GRM8: variants seen among roughly 807,000 people sequenced by gnomAD.
The protein encoded by GRM8 is glutamate metabotropic receptor 8.
In GRM8, 47 loss-of-function variants were observed where a neutral mutation model predicts 87.2. The observed-to-expected ratio is 0.54, with a 90% CI of 0.43 to 0.69. GRM8 has a LOEUF of 0.69. GRM8 is among the 30% of genes least tolerant of loss of function. The pLI, the probability that GRM8 is intolerant of heterozygous loss-of-function variation, is 0.00. For missense variants in GRM8, 1,019 were observed against 1,139.2 expected (o/e 0.89, Z 1.52); for synonymous variants, 396 against 404.5 (o/e 0.98, Z 0.25).
At chr7:126,827,471 A>T (rs1794930468) in intron 6 of GRM8, among the ~76,000 whole-genome samples, 1 of 152,048 alleles carries the variant, frequency 6.6e-6, no homozygotes, top group African/African-American at 2.4e-5. Context: ...ATTCTCTTTG[A>T]AGCAATTGTG....
rs567918677 is a variant in GRM8 at position 127,160,496 on chromosome 7, G to A, written c.511-53784C>T. On this transcript the variant is annotated intron_variant, in intron 2 of 10. Transcript: ENST00000339582. The stretch of plus-strand genomic sequence containing the variant: ...AGAAGATTCCAGAGCAGAGCAGGGC[G>A]GCCTGTGTAAGGGTGTAAGGAGGCT... Among the ~76,000 whole-genome samples, 8 of 151,900 alleles carry A rather than the reference G, an allele frequency of 5.3e-5. No homozygotes were observed. The South Asian group carries it at 6.3e-4, about 12-fold the overall frequency.
At chr7:126,485,111 C>A (rs771593276) in intron 9 of GRM8, among the ~76,000 whole-genome samples, 21 of 151,940 alleles carry the variant, frequency 1.4e-4, no homozygotes, top group Non-Finnish European at 2.4e-4. Flanking sequence ...ATTATGCAAG[C>A]ATTATTGAGC....
intron 7 of GRM8, among the ~76,000 whole-genome samples, chr7:126,751,509 A>C (rs1816412369): frequency 6.6e-6 from 1 of 152,056 alleles, no homozygotes; most frequent in South Asian, 2.1e-4. Flanking sequence ...GACTTGCATT[A>C]ATTGGAGCTG....
At chr7:127,137,112 T>C (rs1043562988) in intron 2 of GRM8, among the ~76,000 whole-genome samples, 6 of 152,120 alleles carry the variant, frequency 3.9e-5, no homozygotes, top group African/African-American at 1.4e-4. Flanking sequence ...TGATCTTGGA[T>C]GACTTAATCT....
At chr7:126,817,108 T>C (rs1484983183) in intron 6 of GRM8, among the ~76,000 whole-genome samples, 1 of 152,140 alleles carries the variant, frequency 6.6e-6, no homozygotes, top group African/African-American at 2.4e-5. Context: ...TACACTTCAA[T>C]TGTTTCCACA....
At chr7:127,094,129 A>G (rs1824419605) in intron 3 of GRM8, among the ~76,000 whole-genome samples, 1 of 152,238 alleles carries the variant, frequency 6.6e-6, no homozygotes, top group Non-Finnish European at 1.5e-5. Flanking sequence ...TCATTTCTGC[A>G]GAAGGGTGTT....
chr7:126,452,630 T>C (rs1025490341), intron 9 of GRM8, among the ~76,000 whole-genome samples: 35 of 151,696 alleles, frequency 2.3e-4, no homozygotes, highest in East Asian at 1.8e-3. Flanking sequence ...TTCTTTTTCA[T>C]AGCAATCTCT....
At chr7:127,209,861 A>C (rs1796116666) in intron 2 of GRM8, among the ~76,000 whole-genome samples, 1 of 152,174 alleles carries the variant, frequency 6.6e-6, no homozygotes, top group African/African-American at 2.4e-5. Context: ...CTATAAAACA[A>C]AGCAACAAAT....
At chr7:126,532,595 G>A (rs1814982773) in intron 9 of GRM8, among the ~76,000 whole-genome samples, 1 of 151,658 alleles carries the variant, frequency 6.6e-6, no homozygotes, top group African/African-American at 2.4e-5. Context: ...TTAACATTTG[G>A]AAAAGAACAG....
At chr7:126,712,341 T>C (rs1191428000) in intron 7 of GRM8, among the ~76,000 whole-genome samples, 1 of 152,094 alleles carries the variant, frequency 6.6e-6, no homozygotes, top group Non-Finnish European at 1.5e-5. Flanking sequence ...TCCAAAACAA[T>C]TATAATAATA....
intron 7 of GRM8, among the ~76,000 whole-genome samples, chr7:126,672,086 C>T (rs1353947581): frequency 1.3e-5 from 2 of 152,196 alleles, no homozygotes; most frequent in African/African-American, 4.8e-5. Flanking sequence ...ATTAAACCAA[C>T]CCCAAGCTTT....
chr7:126,957,702 G>T (rs1808869018), intron 3 of GRM8, among the ~76,000 whole-genome samples: 2 of 152,238 alleles, frequency 1.3e-5, no homozygotes, highest in African/African-American at 4.8e-5. Flanking sequence ...AAGCATAGGA[G>T]GGAGGCTGGG....
intron 6 of GRM8, among the ~76,000 whole-genome samples, chr7:126,849,151 G>T (rs916310578): frequency 6.6e-6 from 1 of 151,816 alleles, no homozygotes; most frequent in Admixed American, 6.6e-5. Flanking sequence ...GATTTGGATG[G>T]GGACACAGCC....
At chr7:127,014,630 A>C (rs1563412299) in intron 3 of GRM8, among the ~76,000 whole-genome samples, 1 of 152,142 alleles carries the variant, frequency 6.6e-6, no homozygotes, top group South Asian at 2.1e-4. Flanking sequence ...TGCCTAGCAC[A>C]TAGTAAGAAC....
chr7:127,151,904 C>T (rs1201873066), intron 2 of GRM8, among the ~76,000 whole-genome samples: 2 of 152,074 alleles, frequency 1.3e-5, no homozygotes, highest in Non-Finnish European at 2.9e-5. Flanking sequence ...TTCTCTTTTG[C>T]ATTCCAAAGC....
intron 8 of GRM8, among the ~76,000 whole-genome samples, chr7:126,590,800 A>G (rs1202478092): frequency 6.6e-6 from 1 of 152,148 alleles, no homozygotes; most frequent in Non-Finnish European, 1.5e-5. Flanking sequence ...GAAAGATACA[A>G]TATTTTTCAA....
At chr7:126,806,606 A>AT (rs926172717) in intron 6 of GRM8, among the ~76,000 whole-genome samples, 5 of 152,234 alleles carry the variant, frequency 3.3e-5, no homozygotes, top group African/African-American at 1.2e-4. Flanking sequence ...CAGAGTGCTG[A>AT]TTGGTACGTT....
intron 3 of GRM8, among the ~76,000 whole-genome samples, chr7:126,908,766 C>T (rs908148917): frequency 1.3e-5 from 2 of 152,152 alleles, no homozygotes; most frequent in Admixed American, 1.3e-4. Context: ...CCACACCTCA[C>T]CTCATATCTT....
chr7:126,624,560 G>T (rs561380190), intron 7 of GRM8, among the ~76,000 whole-genome samples: 1 of 152,110 alleles, frequency 6.6e-6, no homozygotes, highest in Non-Finnish European at 1.5e-5. Flanking sequence ...GATATAAATC[G>T]CTGGATGATA....
Sources: gnomAD v4.1 joint callset for allele counts (sites outside exome capture counted in the v4.1 genomes callset) on GRCh38, gnomAD v4.1.1 for gene constraint, MANE v1.5 for transcripts, NCBI Gene and HGNC (gene_info 2026-07-23, HGNC 2026-07-21) for gene names.